Variants in MYO3A observed in about 807,000 individuals in gnomAD.
MYO3A encodes myosin-IIIa.
In MYO3A, 180 loss-of-function variants were observed where a neutral mutation model predicts 192.7. That is an observed-to-expected ratio of 0.93 (90% CI 0.83 to 1.06). The LOEUF is 1.06. Among genes scored for constraint, MYO3A ranks in the 50% least tolerant of loss-of-function variants. The probability of loss-of-function intolerance (pLI) is 0.00; values close to 1 mark genes in which losing one functional copy is unlikely to be tolerated. For missense variants in MYO3A, 1,896 were observed against 1,905.0 expected (o/e 1.00, Z 0.09); for synonymous variants, 628 against 645.3 (o/e 0.97, Z 0.41).
intron 10 of MYO3A, among the ~76,000 whole-genome samples, chr10:26,053,605 C>T (rs1588868340): frequency 6.6e-6 from 1 of 152,130 alleles, no homozygotes; most frequent in Admixed American, 6.5e-5. Context: ...GAGGGCGGAT[C>T]GCGAGGTCAG....
chr10:26,102,387 C>A (rs1837513726), intron 17 of MYO3A, among the ~76,000 whole-genome samples: 1 of 152,210 alleles, frequency 6.6e-6, no homozygotes, highest in Non-Finnish European at 1.5e-5. Context: ...CATCTGAAGT[C>A]TTCTTCTCTC....
intron 15 of MYO3A, among the ~76,000 whole-genome samples, chr10:26,092,634 C>T (rs1397919423): frequency 1.3e-5 from 2 of 152,142 alleles, no homozygotes; most frequent in Non-Finnish European, 2.9e-5. Context: ...CTTCAGGGTG[C>T]AAAGCAGGTG....
chr10:25,978,537 C>G (rs376597304), intron 4 of MYO3A, among the ~76,000 whole-genome samples: 2 of 152,154 alleles, frequency 1.3e-5, no homozygotes, highest in African/African-American at 4.8e-5. Flanking sequence ...CACCAGGTCT[C>G]TTCCACAACA....
chr10:26,122,805 T>C (rs1838956916), intron 18 of MYO3A, among the ~76,000 whole-genome samples: 1 of 152,178 alleles, frequency 6.6e-6, no homozygotes, highest in African/African-American at 2.4e-5. Context: ...TCAAGACTAG[T>C]GCTTTGTTTT....
intron 6 of MYO3A, among the ~76,000 whole-genome samples, chr10:26,008,481 T>C (rs1372198367): frequency 6.8e-6 from 1 of 147,852 alleles, no homozygotes; most frequent in Non-Finnish European, 1.5e-5. Context: ...CGCAACCTAC[T>C]CGTCTGACAA....
chr10:25,987,039 A>C (rs980053039), intron 4 of MYO3A, among the ~76,000 whole-genome samples: 2 of 152,152 alleles, frequency 1.3e-5, no homozygotes, highest in African/African-American at 4.8e-5. Context: ...CAGAAGAGAG[A>C]ACCTAGAAAT....
intron 10 of MYO3A, among the ~76,000 whole-genome samples, chr10:26,027,478 G>A (rs1220837498): frequency 1.3e-5 from 2 of 151,856 alleles, no homozygotes; most frequent in African/African-American, 4.8e-5. Context: ...CCAAGTAGCT[G>A]GGACTATAGG....
chr10:26,021,718 A>T, intron 8 of MYO3A, 70 bp downstream of exon 8: 10 of 1,575,292 alleles, frequency 6.3e-6, no homozygotes, highest in Non-Finnish European at 7.9e-6. Context: ...AGTGTTCATC[A>T]TGCTCTTCAT....
intron 10 of MYO3A, among the ~76,000 whole-genome samples, chr10:26,059,879 T>A (rs1178454760): frequency 6.6e-6 from 1 of 152,200 alleles, no homozygotes; most frequent in Admixed American, 6.5e-5. Flanking sequence ...AATGACACTT[T>A]GGGAGGCTGA....
chr10:26,049,055 A>G (rs577179164), intron 10 of MYO3A, among the ~76,000 whole-genome samples: 31 of 152,338 alleles, frequency 2.0e-4, no homozygotes, highest in African/African-American at 7.0e-4. Context: ...TGGAGAGAAT[A>G]GTCAACTTTG....
chr10:26,171,661 C>A (rs1307990187), intron 29 of MYO3A, among the ~76,000 whole-genome samples: 1 of 152,110 alleles, frequency 6.6e-6, no homozygotes, highest in African/African-American at 2.4e-5. Flanking sequence ...TGATTTGTTT[C>A]TCTTTGTTAC....
intron 14 of MYO3A, among the ~76,000 whole-genome samples, chr10:26,073,246 C>T: frequency 6.6e-6 from 1 of 151,678 alleles, no homozygotes. Context: ...AGAACAAACA[C>T]TGATACAAGC....
chr10:26,017,221 A>G (rs142356797), intron 7 of MYO3A, among the ~76,000 whole-genome samples: 13 of 152,320 alleles, frequency 8.5e-5, no homozygotes, highest in African/African-American at 2.9e-4. Context: ...TTTTAAAATT[A>G]TAGTAGAAAT....
At chr10:26,138,778 C>T (rs1839992587) in intron 20 of MYO3A, among the ~76,000 whole-genome samples, 1 of 152,182 alleles carries the variant, frequency 6.6e-6, no homozygotes, top group African/African-American at 2.4e-5. Flanking sequence ...CCACTGAGAT[C>T]AAACTCAAGA....
chr10:26,067,666 C>G (rs1035801150), intron 11 of MYO3A, among the ~76,000 whole-genome samples: 1 of 131,900 alleles, frequency 7.6e-6, no homozygotes, highest in Non-Finnish European at 1.7e-5. Flanking sequence ...CTAATTATCT[C>G]AGAAGTATTT....
At chr10:26,014,619 G>A (rs1179545589) in intron 6 of MYO3A, among the ~76,000 whole-genome samples, 1 of 152,014 alleles carries the variant, frequency 6.6e-6, no homozygotes, top group Non-Finnish European at 1.5e-5. Context: ...AGGAAGCATT[G>A]TTGGATGACC....
chr10:26,032,686 C>G (rs974348394), intron 10 of MYO3A, among the ~76,000 whole-genome samples: 1 of 151,692 alleles, frequency 6.6e-6, no homozygotes, highest in Non-Finnish European at 1.5e-5. Context: ...CCTTATTAGG[C>G]GTGGGACTTT....
intron 3 of MYO3A, 125 bp downstream of exon 3, chr10:25,952,403 A>G (rs1013560646): frequency 2.6e-6 from 3 of 1,144,198 alleles, no homozygotes; most frequent in African/African-American, 3.2e-5. Context: ...ATTTGAAGAT[A>G]AATGTAAAAG....
chr10:25,992,513 C>A (rs1840107281), intron 4 of MYO3A, among the ~76,000 whole-genome samples: 4 of 152,216 alleles, frequency 2.6e-5, no homozygotes, highest in Admixed American at 2.6e-4. Context: ...CTTTCTCTTG[C>A]CTGATTGCCC....
Sources: gnomAD v4.1 joint callset for allele counts (sites outside exome capture counted in the v4.1 genomes callset) on GRCh38, gnomAD v4.1.1 for gene constraint, MANE v1.5 for transcripts, NCBI Gene and HGNC (gene_info 2026-07-23, HGNC 2026-07-21) for gene names.